The following ZZZ3 variants were observed in gnomAD, a reference collection of about 807,000 sequenced individuals.
ZZZ3 encodes the protein ZZ-type zinc finger-containing protein 3.
A neutral mutation model predicts 95.2 loss-of-function variants in ZZZ3; 22 were observed. The ratio of observed to expected loss-of-function variants is 0.23; its 90% CI spans 0.17 to 0.33. The LOEUF (loss-of-function observed/expected upper bound fraction) is 0.33, where lower values mean the gene tolerates loss of function less well. Ranked by LOEUF, ZZZ3 falls within the 10% of genes least tolerant of loss-of-function variation. ZZZ3 has a pLI of 1.00. For synonymous variants in ZZZ3, 335 were observed against 358.9 expected (o/e 0.93, Z 0.75); for missense variants, 885 against 1,066.5 (o/e 0.83, Z 2.37).
chr1:77,571,530 C>T (rs887360417), intron 12 of ZZZ3, among the ~76,000 whole-genome samples: 16 of 152,102 alleles, frequency 1.1e-4, no homozygotes, highest in Admixed American at 6.5e-5. Context: ...GGAAGCAACC[C>T]AAGTATCCAT....
intron 5 of ZZZ3, among the ~76,000 whole-genome samples, chr1:77,596,589 C>A (rs1181950887): frequency 6.6e-6 from 1 of 152,040 alleles, no homozygotes; most frequent in African/African-American, 2.4e-5. Context: ...TCTCAAACAA[C>A]CTCACTGAGG....
At position 77,632,752 on chromosome 1, in the gene ZZZ3, A is replaced by G. The variant is rs989414679; in HGVS notation, c.603T>C (p.Ala201=). Residue 201 remains alanine (A), a synonymous_variant, in exon 5 of 15, where the codon GCT becomes GCC. Transcript: ENST00000370801. ...AVVEEITGYL[A]VNGVDDSDSA... is the part of the protein sequence containing the mutation. ...AATCACTGTCATCAACACCATTGAC[A>G]GCCAAATAGCCTGTGATTTCTTCAA... 3.1e-6 allele frequency: 5 copies of G among 1,614,220 alleles called. No individual in the cohort carries two copies. Among genetic ancestry groups the G allele is most frequent in the Non-Finnish European group, 3.4e-6 (4 of 1,180,038 alleles).
intron 1 of ZZZ3, among the ~76,000 whole-genome samples, chr1:77,662,394 C>T (rs779000880): frequency 6.6e-6 from 1 of 152,012 alleles, no homozygotes; most frequent in Non-Finnish European, 1.5e-5. Flanking sequence ...TCCTCCTCCC[C>T]TGGCCTCCCA....
intron 12 of ZZZ3, among the ~76,000 whole-genome samples, chr1:77,574,911 C>A (rs551061966): frequency 2.1e-4 from 32 of 152,180 alleles, no homozygotes; most frequent in Non-Finnish European, 3.8e-4. Context: ...ACAGGCCAGG[C>A]ATGGTGGCTC....
At chr1:77,659,197 T>C (rs1365422294) in intron 1 of ZZZ3, among the ~76,000 whole-genome samples, 2 of 151,828 alleles carry the variant, frequency 1.3e-5, no homozygotes, top group Non-Finnish European at 2.9e-5. Flanking sequence ...AAAATATATA[T>C]TTCTGAATCA....
chr1:77,619,388 C>T (rs940457279), intron 5 of ZZZ3, among the ~76,000 whole-genome samples: 17 of 152,154 alleles, frequency 1.1e-4, no homozygotes, highest in Non-Finnish European at 2.5e-4. Context: ...GAGTTTTTAA[C>T]CAAGAAAGTT....
chr1:77,631,749 A>C, intron 5 of ZZZ3, 101 bp downstream of exon 5: 1 of 986,488 alleles, frequency 1.0e-6, no homozygotes, highest in Non-Finnish European at 1.4e-6. Context: ...TTTTAGTGAA[A>C]ACATTAATTT....
rs74090673 is a variant in ZZZ3, at chr1:77,599,682, A to T, written c.1506-15027T>A. 3.5e-3 allele frequency among the ~76,000 whole-genome samples: 525 copies of T among 152,112 alleles called. 3 individuals carry two copies. Among genetic ancestry groups the T allele is most frequent in the African/African-American group, 0.012 (500 of 41,536 alleles). On this transcript the variant is annotated intron_variant, in intron 5 of 14. Transcript: ENST00000370801. ...AGTAAAAAAATTAGTCTGTTTAACA[A>T]CTCTTCCTGCTCTTATTCATCTGCT...
At chr1:77,588,063 A>G (rs1338349717) in intron 5 of ZZZ3, among the ~76,000 whole-genome samples, 1 of 152,228 alleles carries the variant, frequency 6.6e-6, no homozygotes, top group East Asian at 1.9e-4. Context: ...CTGGGTCAAC[A>G]GTAGGCTATT....
Position 77,632,560 on chromosome 1 carries a change from C to G in ZZZ3, c.795G>C (p.Lys265Asn), listed in dbSNP as rs2100849290. The stretch of plus-strand genomic sequence containing the variant: ...GCACTTGTGAATCTGTGCAAGGCAC[C>G]TTATGGTCTATATAACTGTCCTCCT... ...SRKEDSYIDH[K>N]VPCTDSQVQV... The change falls in exon 5 of 15, where the codon AAG becomes AAC. Residue 265 changes from lysine (K) to asparagine (N), a missense_variant. Lys to Asn is a moderately conservative substitution (Grantham distance 94). Coordinates refer to ENST00000370801, the MANE Select transcript of ZZZ3 (RefSeq NM_015534.6). The G allele has an allele frequency of 6.2e-7, 1 of 1,614,158 alleles. No individual in the cohort carries two copies. Among genetic ancestry groups the G allele is most frequent in the Non-Finnish European group, 8.5e-7 (1 of 1,180,032 alleles).
At position 77,565,427 on chromosome 1, in the gene ZZZ3, G is replaced by A; in HGVS notation, c.*213C>T. 1 of 448,432 alleles carries A rather than the reference G, an allele frequency of 2.2e-6. No individual in the cohort carries two copies. The highest frequency in any genetic ancestry group is 3.9e-6 in the Non-Finnish European group (1 of 258,512). 27.8% of individuals were successfully genotyped at this position (448,432 alleles called of 1,614,324 possible). On this transcript the variant is annotated 3_prime_UTR_variant, in exon 15 of 15. Transcript: ENST00000370801. ...ACGCAGTGGTGAAAAATTCACCAGG[G>A]AAACCTTTGCTCACCAGGAATGTTC...
At chr1:77,650,083 T>C (rs1381088194) in intron 1 of ZZZ3, among the ~76,000 whole-genome samples, 3 of 152,080 alleles carry the variant, frequency 2.0e-5, no homozygotes, top group Non-Finnish European at 4.4e-5. Context: ...TTAAGATGTA[T>C]AGTATAAATC....
At chr1:77,601,899 T>C (rs140630318) in intron 5 of ZZZ3, among the ~76,000 whole-genome samples, 85 of 152,286 alleles carry the variant, frequency 5.6e-4, no homozygotes, top group African/African-American at 1.9e-3. Flanking sequence ...GCATAATCAA[T>C]AGGCTATATA....
intron 12 of ZZZ3, among the ~76,000 whole-genome samples, chr1:77,574,306 G>T (rs1045688566): frequency 2.6e-5 from 4 of 151,740 alleles, no homozygotes; most frequent in Admixed American, 6.6e-5. Context: ...TGAGACAAAG[G>T]AAGTAAGTAT....
At chr1:77,670,369 C>T (rs774803809) in intron 1 of ZZZ3, among the ~76,000 whole-genome samples, 2 of 151,964 alleles carry the variant, frequency 1.3e-5, no homozygotes, top group Non-Finnish European at 2.9e-5. Flanking sequence ...AAGCGATTCT[C>T]CTGCCTCAGC....
At chr1:77,578,545 A>G (rs939689630) in intron 11 of ZZZ3, among the ~76,000 whole-genome samples, 2 of 152,242 alleles carry the variant, frequency 1.3e-5, no homozygotes, top group African/African-American at 4.8e-5. Flanking sequence ...AAATCTTTCA[A>G]GTAGCACTCA....
In ZZZ3 at chr1:77,639,492, T is replaced by C. The variant is rs1426923427; in HGVS notation, c.-95A>G. ...ATCATTGTGGAAATATAATCTCTTT[T>C]CCTTATATCCTGAAGGAGTTGGAGC... On this transcript the variant is annotated 5_prime_UTR_variant, in exon 4 of 15. Transcript: ENST00000370801. 1.3e-6 allele frequency: 2 copies of C among 1,500,908 alleles called. No individual in the cohort carries two copies. The highest frequency in any genetic ancestry group is 2.7e-5 in the South Asian group (2 of 73,412). 93.0% of individuals were successfully genotyped at this position (1,500,908 alleles called of 1,614,324 possible). A position where few individuals can be genotyped will look rare whatever the true frequency, so the allele number is the denominator to read the frequency against.
chr1:77,597,994 A>T lies in ZZZ3; in HGVS notation c.1506-13339T>A, dbSNP rs372864731. On this transcript the variant is annotated intron_variant, in intron 5 of 14. Coordinates refer to ENST00000370801, the MANE Select transcript of ZZZ3 (RefSeq NM_015534.6). ...ACAGTAACCCTGTAATATGTTCTAG[A>T]TATTTCTGTAAATCTAAAACCATGC... Among the ~76,000 whole-genome samples the T allele has an allele frequency of 1.5e-3, 226 of 152,270 alleles. 4 individuals are homozygous for T. The Middle Eastern group carries it at 0.02, about 14-fold the overall frequency.
chr1:77,636,096 A>G (rs1030173186), intron 4 of ZZZ3, among the ~76,000 whole-genome samples: 4 of 152,200 alleles, frequency 2.6e-5, no homozygotes, highest in African/African-American at 9.6e-5. Context: ...AAAATCTAAT[A>G]CATATTATCT....
Sources: gnomAD v4.1 joint callset for allele counts (sites outside exome capture counted in the v4.1 genomes callset) on GRCh38, gnomAD v4.1.1 for gene constraint, MANE v1.5 for transcripts, NCBI Gene and HGNC (gene_info 2026-07-23, HGNC 2026-07-21) for gene names.